The following KCNH5 variants were observed in gnomAD, a reference collection of about 807,000 sequenced individuals.
KCNH5 encodes the protein voltage-gated delayed rectifier potassium channel KCNH5.
In KCNH5, 46 loss-of-function variants were observed where a neutral mutation model predicts 96.1. The observed-to-expected ratio is 0.48, with a 90% CI of 0.38 to 0.61. The LOEUF (loss-of-function observed/expected upper bound fraction) is 0.61, where lower values mean the gene tolerates loss of function less well. Among genes scored for constraint, KCNH5 ranks in the 20% least tolerant of loss-of-function variants. The pLI is 0.00. For missense variants in KCNH5, 907 were observed against 1,225.8 expected, an observed-to-expected ratio of 0.74 and a Z score of 3.88; for synonymous variants, 439 against 449.8, an observed-to-expected ratio of 0.98 and a Z score of 0.30.
intron 9 of KCNH5, among the ~76,000 whole-genome samples, chr14:62,799,839 T>C (rs1044322553): frequency 4.6e-5 from 5 of 107,728 alleles, no homozygotes; most frequent in Non-Finnish European, 6.6e-5. Context: ...TTAAATAATA[T>C]ATTATATATA....
intron 9 of KCNH5, among the ~76,000 whole-genome samples, chr14:62,781,666 T>C (rs1024339285): frequency 2.0e-5 from 3 of 152,230 alleles, no homozygotes; most frequent in Non-Finnish European, 2.9e-5. Flanking sequence ...AAGAGAACTA[T>C]GGCTCTGTTC....
At chr14:62,997,208 T>C (rs1381613636) in intron 4 of KCNH5, among the ~76,000 whole-genome samples, 1 of 152,176 alleles carries the variant, frequency 6.6e-6, no homozygotes, top group Non-Finnish European at 1.5e-5. Context: ...CTTTTAGTTA[T>C]GTAAAAATGA....
At chr14:62,907,012 T>G (rs965128985) in intron 7 of KCNH5, among the ~76,000 whole-genome samples, 2 of 152,230 alleles carry the variant, frequency 1.3e-5, no homozygotes, top group African/African-American at 4.8e-5. Context: ...GCTTGCATTT[T>G]CAACCCTAAT....
intron 7 of KCNH5, among the ~76,000 whole-genome samples, chr14:62,921,060 C>T (rs1054360268): frequency 6.6e-6 from 1 of 152,112 alleles, no homozygotes; most frequent in Non-Finnish European, 1.5e-5. Context: ...CTTTAGCTAT[C>T]CCAAAGTACT....
chr14:62,912,417 T>C (rs991544302), intron 7 of KCNH5, among the ~76,000 whole-genome samples: 4 of 152,162 alleles, frequency 2.6e-5, no homozygotes, highest in Non-Finnish European at 5.9e-5. Context: ...TTGATTTTTT[T>C]TTTTTTTAGA....
At chr14:62,721,749 G>A (rs1295297937) in intron 10 of KCNH5, among the ~76,000 whole-genome samples, 1 of 152,092 alleles carries the variant, frequency 6.6e-6, no homozygotes, top group Non-Finnish European at 1.5e-5. Context: ...TTAGTGCCAT[G>A]TTAAACATAA....
At chr14:62,802,701 G>T in intron 8 of KCNH5, 120 bp from the exon 9 acceptor site, 1 of 1,228,332 alleles carries the variant, frequency 8.1e-7, no homozygotes, top group Non-Finnish European at 1.1e-6. Flanking sequence ...TACACACCTT[G>T]CTGGGTACTG....
intron 7 of KCNH5, among the ~76,000 whole-genome samples, chr14:62,868,233 C>T (rs1036026229): frequency 2.0e-5 from 3 of 152,228 alleles, no homozygotes; most frequent in Non-Finnish European, 4.4e-5. Context: ...ATTCTTCCCA[C>T]CAGGAACTTG....
intron 7 of KCNH5, among the ~76,000 whole-genome samples, chr14:62,880,229 G>A (rs1774953858): frequency 6.6e-6 from 1 of 152,046 alleles, no homozygotes; most frequent in Non-Finnish European, 1.5e-5. Flanking sequence ...ATAGACAGTG[G>A]CACTAGAAAA....
chr14:63,025,974 G>A (rs11622240), intron 1 of KCNH5, among the ~76,000 whole-genome samples: 7,189 of 151,568 alleles, frequency 0.047, 197 homozygotes, highest in East Asian at 0.062. Context: ...CTACTACAAA[G>A]TTATAGTACA....
intron 8 of KCNH5, among the ~76,000 whole-genome samples, chr14:62,815,421 T>C (rs958298968): frequency 5.3e-5 from 8 of 152,174 alleles, no homozygotes; most frequent in African/African-American, 1.9e-4. Flanking sequence ...TGTTCACTTA[T>C]CAGTATTGTG....
At chr14:62,791,491 T>G (rs1886433680) in intron 9 of KCNH5, among the ~76,000 whole-genome samples, 1 of 151,578 alleles carries the variant, frequency 6.6e-6, no homozygotes, top group South Asian at 2.1e-4. Flanking sequence ...TGAATGGATA[T>G]TAAAAAAGAA....
chr14:62,985,692 A>T (rs192486436), intron 5 of KCNH5, among the ~76,000 whole-genome samples: 1 of 152,102 alleles, frequency 6.6e-6, no homozygotes, highest in Non-Finnish European at 1.5e-5. Context: ...CCTTAGTCTC[A>T]GGGTAACATC....
chr14:62,997,880 A>C (rs1890937082), intron 4 of KCNH5, among the ~76,000 whole-genome samples: 2 of 144,504 alleles, frequency 1.4e-5, no homozygotes, highest in Admixed American at 1.4e-4. Flanking sequence ...AACCTGGGGG[A>C]CAGAGCCAGA....
intron 10 of KCNH5, among the ~76,000 whole-genome samples, chr14:62,719,526 G>A (rs921979726): frequency 3.9e-5 from 6 of 152,232 alleles, no homozygotes; most frequent in African/African-American, 1.2e-4. Context: ...AATCACAGCG[G>A]ATTCACAACC....
intron 7 of KCNH5, among the ~76,000 whole-genome samples, chr14:62,926,282 C>T (rs899414048): frequency 1.3e-5 from 2 of 152,084 alleles, no homozygotes; most frequent in African/African-American, 4.8e-5. Flanking sequence ...TTTAGGTGGT[C>T]ATCAGCTCAA....
At chr14:62,804,761 T>A (rs187090843) in intron 8 of KCNH5, among the ~76,000 whole-genome samples, 8 of 152,328 alleles carry the variant, frequency 5.3e-5, no homozygotes, top group Admixed American at 5.2e-4. Flanking sequence ...CTTAGGCTTA[T>A]TGCAGAAATT....
At chr14:62,925,150 G>T (rs1435068504) in intron 7 of KCNH5, among the ~76,000 whole-genome samples, 1 of 151,674 alleles carries the variant, frequency 6.6e-6, no homozygotes, top group Non-Finnish European at 1.5e-5. Context: ...TGTTTGCCCT[G>T]GTGCCTGTAG....
intron 10 of KCNH5, among the ~76,000 whole-genome samples, chr14:62,731,928 C>T (rs564141807): frequency 1.3e-5 from 2 of 152,296 alleles, no homozygotes; most frequent in South Asian, 4.1e-4. Flanking sequence ...GCACACACCA[C>T]TGAATGAGAA....
Sources: gnomAD v4.1 joint callset for allele counts (sites outside exome capture counted in the v4.1 genomes callset) on GRCh38, gnomAD v4.1.1 for gene constraint, MANE v1.5 for transcripts, NCBI Gene and HGNC (gene_info 2026-07-23, HGNC 2026-07-21) for gene names.